LVRN: variants seen among roughly 807,000 people sequenced by gnomAD.
The protein encoded by LVRN is laeverin, also known as aminopeptidase Q.
LVRN carries 99 observed loss-of-function variants against 111.4 expected under a neutral mutation model. The ratio of observed to expected loss-of-function variants is 0.89; its 90% CI spans 0.76 to 1.05. The LOEUF is 1.05. Ranked by LOEUF, LVRN falls within the 50% of genes least tolerant of loss-of-function variation. The pLI is 0.00. For missense variants in LVRN, 1,414 were observed against 1,206.8 expected (o/e 1.17, Z -2.54); for synonymous variants, 488 against 449.5 (o/e 1.09, Z -1.08).
chr5:116,000,918 A>T lies in LVRN; in HGVS notation c.1648-149A>T, dbSNP rs1446901725. The T allele has an allele frequency of 3.6e-6, 3 of 827,306 alleles. No individual in the cohort carries two copies. In the Admixed American group the frequency reaches 8.9e-5, roughly 24 times the overall value. The allele number at this position is 827,306 out of a possible 1,614,324, so 51.2% of individuals were successfully genotyped here. ...TAAAGAACCATTCATATATAAACAG[A>T]GTTCTAAATTTGCCCCAGAGGATCA... On this transcript the variant is annotated intron_variant, in intron 9 of 19. Transcript: ENST00000357872.
rs1465872865 is a variant in LVRN at position 116,026,321 on chromosome 5, G to C, written c.*203G>C. 1.6e-6 allele frequency: 1 copy of C among 630,044 alleles called. No individual in the cohort carries two copies. Among genetic ancestry groups the C allele is most frequent in the Non-Finnish European group, 2.6e-6 (1 of 378,798 alleles). 39.0% of individuals were successfully genotyped at this position (630,044 alleles called of 1,614,324 possible). On this transcript the variant is annotated 3_prime_UTR_variant, in exon 20 of 20. Transcript: ENST00000357872. ...TGCTGACAATTTTGCCAATGCTGCT[G>C]TATTTCTGGGAAAGATGTCACTTCA... is the stretch of plus-strand genomic sequence containing the variant.
Position 115,976,524 on chromosome 5 carries a change from A to T in LVRN, c.696-6763A>T, listed in dbSNP as rs547948828. Among the ~76,000 whole-genome samples, 282 of 152,260 alleles carry T rather than the reference A, an allele frequency of 1.9e-3. 1 individual carries two copies. The highest frequency in any genetic ancestry group is 6.3e-3 in the African/African-American group (263 of 41,554). On this transcript the variant is annotated intron_variant, in intron 1 of 19. Transcript: ENST00000357872. ...CTTTTTCTATACTATGGTTGACACA[A>T]ACTTATTACTTTAAGACCCTTTTAT...
intron 12 of LVRN, among the ~76,000 whole-genome samples, chr5:116,005,197 C>G (rs1261525026): frequency 6.6e-6 from 1 of 152,184 alleles, no homozygotes; most frequent in Non-Finnish European, 1.5e-5. Flanking sequence ...AAGAATTAAA[C>G]TTGACTTGCT....
At chr5:116,004,104 C>T (rs1238514320) in intron 12 of LVRN, among the ~76,000 whole-genome samples, 1 of 152,146 alleles carries the variant, frequency 6.6e-6, no homozygotes, top group Non-Finnish European at 1.5e-5. Context: ...TTTCTAAACT[C>T]ATAATAGGTA....
chr5:115,994,469 C>T (rs968541894), intron 6 of LVRN, among the ~76,000 whole-genome samples: 9 of 152,194 alleles, frequency 5.9e-5, no homozygotes, highest in East Asian at 1.9e-4. Context: ...GACGGGGTTT[C>T]GCCATGTTGC....
At chr5:115,996,618 A>G (rs553153264) in intron 6 of LVRN, among the ~76,000 whole-genome samples, 10 of 152,286 alleles carry the variant, frequency 6.6e-5, no homozygotes, top group African/African-American at 2.4e-4. Flanking sequence ...AATTTTTTCT[A>G]TTTCGAGGTC....
intron 1 of LVRN, among the ~76,000 whole-genome samples, chr5:115,980,303 C>CA (rs1753536311): frequency 6.6e-6 from 1 of 151,838 alleles, no homozygotes; most frequent in African/African-American, 2.4e-5. Context: ...TCAGAGGTGG[C>CA]ATAACTAGAT....
intron 16 of LVRN, 52 bp from the exon 17 acceptor site, chr5:116,015,200 C>T: frequency 3.7e-6 from 3 of 818,578 alleles, no homozygotes; most frequent in Admixed American, 3.9e-5. Context: ...ATATGATAAC[C>T]TGGGTAAACA....
intron 3 of LVRN, 147 bp downstream of exon 3, chr5:115,984,856 G>T: frequency 8.8e-7 from 1 of 1,137,324 alleles, no homozygotes; most frequent in Non-Finnish European, 1.2e-6. Flanking sequence ...TCTTAGTGTG[G>T]CTTTGCAGAA....
In LVRN at chr5:115,984,641, C is replaced by A. The variant is rs756738334; in HGVS notation, c.910C>A (p.Pro304Thr). ...AACCTTTTCCACTACGCCCCACATG[C>A]CAACTTACTTAGTCGCATTTGTTAT... ...VTTFSTTPHM[P>T]TYLVAFVICD... is the part of the protein sequence containing the mutation. Residue 304 changes from proline to threonine, a missense_variant, in exon 3 of 20, where the codon CCA becomes ACA. Coordinates refer to ENST00000357872, the MANE Select transcript of LVRN (RefSeq NM_173800.5). The A allele has an allele frequency of 1.2e-6, 2 of 1,613,652 alleles. No individual in the cohort carries two copies. Among genetic ancestry groups the A allele is most frequent in the South Asian group, 1.1e-5 (1 of 91,060 alleles).
At chr5:115,972,047 T>C (rs895357630) in intron 1 of LVRN, among the ~76,000 whole-genome samples, 2 of 152,156 alleles carry the variant, frequency 1.3e-5, no homozygotes, top group African/African-American at 2.4e-5. Flanking sequence ...TATAAGCCTT[T>C]TTATGAATTC....
At chr5:115,989,784 G>A (rs1242388314) in intron 4 of LVRN, among the ~76,000 whole-genome samples, 1 of 152,132 alleles carries the variant, frequency 6.6e-6, no homozygotes, top group Non-Finnish European at 1.5e-5. Context: ...CCCATAGGAG[G>A]TACTCAATGA....
intron 1 of LVRN, among the ~76,000 whole-genome samples, chr5:115,979,294 A>C (rs1047723310): frequency 1.7e-4 from 26 of 152,076 alleles, no homozygotes; most frequent in African/African-American, 6.3e-4. Flanking sequence ...CATCTTTCTC[A>C]AAAGTGAGTT....
In LVRN at chr5:116,026,941, G is replaced by A. The variant is rs1367778941; in HGVS notation, c.*823G>A. The stretch of plus-strand genomic sequence containing the variant: ...AAAACAATGATGTCAAAAGACAATA[G>A]CAAGTATAGGCTACTATTTAGGGCA... On this transcript the variant is annotated 3_prime_UTR_variant, in exon 20 of 20. Transcript: ENST00000357872. The A allele has an allele frequency of 6.6e-6, 1 of 152,238 alleles. No homozygotes were observed. Among genetic ancestry groups the A allele is most frequent in the Non-Finnish European group, 1.5e-5 (1 of 68,058 alleles). 9.4% of individuals were successfully genotyped at this position (152,238 alleles called of 1,614,324 possible).
intron 1 of LVRN, among the ~76,000 whole-genome samples, chr5:115,966,575 T>C (rs183119190): frequency 3.3e-5 from 5 of 152,354 alleles, no homozygotes; most frequent in Admixed American, 6.5e-5. Flanking sequence ...CTCATACTTC[T>C]GGCCCCAAGG....
intron 1 of LVRN, among the ~76,000 whole-genome samples, chr5:115,964,262 T>G (rs1753155385): frequency 6.6e-6 from 1 of 152,208 alleles, no homozygotes; most frequent in African/African-American, 2.4e-5. Flanking sequence ...TGCCCTTTAT[T>G]ATTAGAGAAA....
At chr5:116,005,008 G>A (rs569357570) in intron 12 of LVRN, among the ~76,000 whole-genome samples, 34 of 152,262 alleles carry the variant, frequency 2.2e-4, no homozygotes, top group Admixed American at 1.4e-3. Context: ...ATGAAAGCAC[G>A]AGGTTATGTC....
At chr5:116,007,932 T>C (rs1748411727) in intron 13 of LVRN, among the ~76,000 whole-genome samples, 1 of 152,238 alleles carries the variant, frequency 6.6e-6, no homozygotes, top group African/African-American at 2.4e-5. Context: ...CAATGAATCA[T>C]GCCTGTATAA....
chr5:115,992,350 C>G, intron 5 of LVRN, 73 bp downstream of exon 5: 2 of 1,528,788 alleles, frequency 1.3e-6, no homozygotes, highest in Non-Finnish European at 9.0e-7. Context: ...AGCATAAAAA[C>G]CCCAGTAAGA....
Sources: gnomAD v4.1 joint callset for allele counts (sites outside exome capture counted in the v4.1 genomes callset) on GRCh38, gnomAD v4.1.1 for gene constraint, MANE v1.5 for transcripts, NCBI Gene and HGNC (gene_info 2026-07-23, HGNC 2026-07-21) for gene names.